CNTN4: variants seen among roughly 807,000 people sequenced by gnomAD.
The protein encoded by CNTN4 is contactin-4.
CNTN4 carries 77 observed loss-of-function variants against 122.5 expected under a neutral mutation model. The ratio of observed to expected loss-of-function variants is 0.63; its 90% CI spans 0.52 to 0.76. The LOEUF is 0.76. Ranked by LOEUF, CNTN4 falls within the 30% of genes least tolerant of loss-of-function variation. CNTN4 has a pLI of 0.00. For missense variants in CNTN4, 1,256 were observed against 1,259.1 expected, an observed-to-expected ratio of 1.00 and a Z score of 0.04; for synonymous variants, 512 against 447.0, an observed-to-expected ratio of 1.15 and a Z score of -1.83.
intron 23 of CNTN4, among the ~76,000 whole-genome samples, chr3:3,050,485 C>A (rs1041475234): frequency 6.6e-6 from 1 of 151,976 alleles, no homozygotes; most frequent in Admixed American, 6.6e-5. Flanking sequence ...GTTCTGAGGC[C>A]GGGCACGGTG....
intron 4 of CNTN4, among the ~76,000 whole-genome samples, chr3:2,580,065 A>G (rs922892933): frequency 2.6e-5 from 4 of 152,188 alleles, no homozygotes; most frequent in South Asian, 2.1e-4. Context: ...GTGTGTATGT[A>G]CATACATGTG....
chr3:2,925,877 G>C, intron 13 of CNTN4, 98 bp downstream of exon 13: 3 of 1,010,236 alleles, frequency 3.0e-6, no homozygotes, highest in East Asian at 2.4e-5. Context: ...ACTATCTGCT[G>C]TTCCTGAACT....
At chr3:2,521,338 A>ATCCATCG (rs2077205331) in intron 3 of CNTN4, among the ~76,000 whole-genome samples, 1 of 83,330 alleles carries the variant, frequency 1.2e-5, no homozygotes, top group Non-Finnish European at 2.3e-5. Context: ...GTGGACCTCT[A>ATCCATCG]CCCATCCCCC....
Position 2,352,685 on chromosome 3 carries a change from G to T in CNTN4, c.-89+13452G>T, listed in dbSNP as rs532416642. On this transcript the variant is annotated intron_variant, in intron 3 of 24. Coordinates refer to ENST00000418658, the MANE Select transcript of CNTN4 (RefSeq NM_175607.3). ...CCCGAGCTCCCCCACGGTGGGCTCCGGCATGGCTGGAGCCTCTCCGACAGG... is the reference window on the plus strand; with the variant it reads ...CCCGAGCTCCCCCACGGTGGGCTCCTGCATGGCTGGAGCCTCTCCGACAGG... Among the ~76,000 whole-genome samples, 39 of 152,260 alleles carry T rather than the reference G, an allele frequency of 2.6e-4. No individual in the cohort carries two copies. The South Asian group carries it at 7.9e-3, about 31-fold the overall frequency.
At chr3:2,219,395 C>A (rs2038973282) in intron 2 of CNTN4, among the ~76,000 whole-genome samples, 1 of 152,110 alleles carries the variant, frequency 6.6e-6, no homozygotes, top group South Asian at 2.1e-4. Context: ...AATTTTATTT[C>A]TTTGACTTAC....
At chr3:2,411,895 T>G (rs1219403746) in intron 3 of CNTN4, among the ~76,000 whole-genome samples, 2 of 152,296 alleles carry the variant, frequency 1.3e-5, no homozygotes, top group East Asian at 1.9e-4. Context: ...GCTCCATATA[T>G]GTACTCATGT....
chr3:2,499,828 G>A (rs2076548784), intron 3 of CNTN4, among the ~76,000 whole-genome samples: 1 of 152,014 alleles, frequency 6.6e-6, no homozygotes, highest in African/African-American at 2.4e-5. Context: ...GGGGAAAATT[G>A]ACATCTTTTT....
intron 6 of CNTN4, among the ~76,000 whole-genome samples, chr3:2,770,032 T>G (rs2091021420): frequency 7.4e-6 from 1 of 135,706 alleles, no homozygotes; most frequent in African/African-American, 3.0e-5. Context: ...TGTTTGTTTG[T>G]TTGTTTTTTT....
At chr3:2,771,111 C>A (rs908539358) in intron 6 of CNTN4, among the ~76,000 whole-genome samples, 37 of 152,292 alleles carry the variant, frequency 2.4e-4, no homozygotes, top group Admixed American at 1.2e-3. Flanking sequence ...AGCAAAATGA[C>A]TGTCATTAAA....
chr3:2,948,328 G>C (rs1265716810), intron 13 of CNTN4, among the ~76,000 whole-genome samples: 1 of 152,132 alleles, frequency 6.6e-6, no homozygotes, highest in Non-Finnish European at 1.5e-5. Context: ...AGAGGAAGGA[G>C]GGAACTGAAG....
intron 2 of CNTN4, among the ~76,000 whole-genome samples, chr3:2,137,342 T>C (rs1174010952): frequency 6.6e-6 from 1 of 152,118 alleles, no homozygotes; most frequent in Non-Finnish European, 1.5e-5. Context: ...ACCAGATACA[T>C]CAGCAATGGG....
intron 3 of CNTN4, among the ~76,000 whole-genome samples, chr3:2,486,810 A>G (rs779154076): frequency 6.6e-6 from 1 of 152,232 alleles, no homozygotes; most frequent in African/African-American, 2.4e-5. Context: ...TAGATTGGTC[A>G]TGTTACCAGA....
intron 12 of CNTN4, among the ~76,000 whole-genome samples, chr3:2,909,721 TATC>T (rs2151208750): frequency 6.6e-6 from 1 of 152,340 alleles, no homozygotes; most frequent in African/African-American, 2.4e-5. Context: ...AAATATTGAT[TATC>T]AGGCTTTATC....
intron 13 of CNTN4, among the ~76,000 whole-genome samples, chr3:2,979,569 A>G (rs1414664427): frequency 1.3e-5 from 2 of 151,030 alleles, no homozygotes; most frequent in African/African-American, 4.9e-5. Flanking sequence ...TCTGGAACCA[A>G]TCATGTATAA....
intron 2 of CNTN4, among the ~76,000 whole-genome samples, chr3:2,154,083 AT>A (rs1252738923): frequency 1.3e-5 from 2 of 152,062 alleles, no homozygotes; most frequent in Non-Finnish European, 2.9e-5. Flanking sequence ...CCTGTTGTCT[AT>A]GATAAAATGG....
At chr3:3,011,685 T>G (rs1256516457) in intron 14 of CNTN4, among the ~76,000 whole-genome samples, 1 of 152,206 alleles carries the variant, frequency 6.6e-6, no homozygotes, top group Non-Finnish European at 1.5e-5. Flanking sequence ...TTTTTGTTTC[T>G]TCTTTAGCTT....
At chr3:2,618,081 T>A (rs1047364518) in intron 4 of CNTN4, among the ~76,000 whole-genome samples, 4 of 152,148 alleles carry the variant, frequency 2.6e-5, no homozygotes, top group Admixed American at 1.3e-4. Flanking sequence ...CCTTAAACAC[T>A]GTATATGTAG....
chr3:2,256,198 G>A (rs1304001391), intron 2 of CNTN4, among the ~76,000 whole-genome samples: 1 of 152,146 alleles, frequency 6.6e-6, no homozygotes, highest in East Asian at 1.9e-4. Flanking sequence ...TGGAAGAAAT[G>A]TATAAATTCC....
At chr3:2,534,284 A>G (rs1420994875) in intron 3 of CNTN4, among the ~76,000 whole-genome samples, 4 of 152,138 alleles carry the variant, frequency 2.6e-5, no homozygotes, top group Admixed American at 6.5e-5. Context: ...ATTTTTGTAT[A>G]AGTTGTAAGG....
Sources: gnomAD v4.1 joint callset for allele counts (sites outside exome capture counted in the v4.1 genomes callset) on GRCh38, gnomAD v4.1.1 for gene constraint, MANE v1.5 for transcripts, NCBI Gene and HGNC (gene_info 2026-07-23, HGNC 2026-07-21) for gene names.